The following GRIP1 variants were observed in gnomAD, a reference collection of about 807,000 sequenced individuals.
GRIP1 encodes glutamate receptor-interacting protein 1.
A neutral mutation model predicts 129.9 loss-of-function variants in GRIP1; 45 were observed. The observed-to-expected ratio is 0.35, with a 90% CI of 0.27 to 0.44. GRIP1 has a LOEUF of 0.44. GRIP1 is among the 20% of genes least tolerant of loss of function. The pLI, the probability that GRIP1 is intolerant of heterozygous loss-of-function variation, is 1.00. For missense variants in GRIP1, 1,196 were observed against 1,396.8 expected (o/e 0.86, Z 2.29); for synonymous variants, 530 against 520.8 (o/e 1.02, Z -0.24).
chr12:66,681,974 G>T (rs2034601465), upstream of GRIP1, among the ~76,000 whole-genome samples: 1 of 152,140 alleles, frequency 6.6e-6, no homozygotes, highest in Non-Finnish European at 1.5e-5. Flanking sequence ...CTCTGTTATA[G>T]GTTTTTGATG....
intron 13 of GRIP1, among the ~76,000 whole-genome samples, chr12:66,439,503 T>C (rs774108545): frequency 1.3e-4 from 19 of 151,334 alleles, no homozygotes; most frequent in Non-Finnish European, 2.6e-4. Flanking sequence ...CCCACTCAGA[T>C]TCTTTCAAAC....
At chr12:66,822,299 T>G (rs1346614543) in intron 1 of GRIP1, among the ~76,000 whole-genome samples, 1 of 152,218 alleles carries the variant, frequency 6.6e-6, no homozygotes, top group Non-Finnish European at 1.5e-5. Flanking sequence ...AAACTCAGCA[T>G]GCCATTCCTT....
chr12:67,027,891 T>C (rs1049016712), intron 1 of GRIP1, among the ~76,000 whole-genome samples: 1 of 152,146 alleles, frequency 6.6e-6, no homozygotes, highest in Middle Eastern at 3.2e-3. Context: ...AGGAAACACA[T>C]GACCAGATAT....
intron 13 of GRIP1, among the ~76,000 whole-genome samples, chr12:66,436,707 G>T (rs1045503169): frequency 2.0e-5 from 3 of 152,148 alleles, no homozygotes; most frequent in Non-Finnish European, 4.4e-5. Context: ...TTGGGGCCAG[G>T]CGCAGTGGCT....
chr12:66,765,143 G>GAA (rs10690469), intron 1 of GRIP1, among the ~76,000 whole-genome samples: 1 of 40,588 alleles, frequency 2.5e-5, no homozygotes, highest in Non-Finnish European at 7.2e-5. Context: ...AATCACATTT[G>GAA]GTCTTCCTCA....
chr12:66,641,070 T>A (rs1032370588), intron 1 of GRIP1, among the ~76,000 whole-genome samples: 17 of 152,240 alleles, frequency 1.1e-4, no homozygotes, highest in Admixed American at 5.2e-4. Context: ...AGTTTAGTCA[T>A]ATTTTTCCTC....
intron 1 of GRIP1, among the ~76,000 whole-genome samples, chr12:66,701,550 G>A (rs557944753): frequency 6.6e-6 from 1 of 152,238 alleles, no homozygotes; most frequent in East Asian, 1.9e-4. Flanking sequence ...ATAACTGCAA[G>A]CTCTTTAGGC....
chr12:67,011,548 C>T (rs1006975531), intron 1 of GRIP1, among the ~76,000 whole-genome samples: 3 of 152,084 alleles, frequency 2.0e-5, no homozygotes, highest in African/African-American at 7.2e-5. Context: ...ATGTTCTTTT[C>T]CTTCTGCAGA....
chr12:66,636,789 T>G (rs1401516499), intron 1 of GRIP1, among the ~76,000 whole-genome samples: 1 of 150,942 alleles, frequency 6.6e-6, no homozygotes, highest in Non-Finnish European at 1.5e-5. Flanking sequence ...TGTGAGGACA[T>G]GAAGAGAAGG....
chr12:66,557,744 A>G (rs11614253), intron 2 of GRIP1, among the ~76,000 whole-genome samples: 31,449 of 152,112 alleles, frequency 0.21, 3,851 homozygotes, highest in Admixed American at 0.26. Context: ...AATTAAGAAG[A>G]AAATTTAAAA....
chr12:66,808,662 C>T (rs188934510), upstream of GRIP1, among the ~76,000 whole-genome samples: 157 of 152,080 alleles, frequency 1.0e-3, no homozygotes, highest in Admixed American at 5.5e-3. Context: ...ATAAATCAAA[C>T]GTTTGTTTTT....
chr12:66,541,966 C>T lies in GRIP1; in HGVS notation c.137-16G>A. 6.2e-7 allele frequency: 1 copy of T among 1,612,786 alleles called. No individual in the cohort carries two copies. Among genetic ancestry groups the T allele is most frequent in the Non-Finnish European group, 8.5e-7 (1 of 1,178,816 alleles). On this transcript the variant is annotated splice_polypyrimidine_tract_variant and intron_variant, in intron 2 of 24. Coordinates refer to ENST00000359742, the MANE Select transcript of GRIP1 (RefSeq NM_001366722.1). Reference sequence around the variant, plus strand: ...TTGAATTCCTCTGTTAAAAGAAAAGCATTTGCCTTATTAAAATGAGAGTAG... The same window carrying T: ...TTGAATTCCTCTGTTAAAAGAAAAGTATTTGCCTTATTAAAATGAGAGTAG...
At chr12:66,646,339 G>A (rs1203164951) in intron 1 of GRIP1, among the ~76,000 whole-genome samples, 1 of 152,182 alleles carries the variant, frequency 6.6e-6, no homozygotes. Context: ...ATATTTGGGG[G>A]AAGGGCGAGA....
At chr12:66,429,654 C>A (rs1455646165) in intron 14 of GRIP1, among the ~76,000 whole-genome samples, 1 of 152,038 alleles carries the variant, frequency 6.6e-6, no homozygotes, top group Admixed American at 6.5e-5. Flanking sequence ...CCTAATAGTG[C>A]CGCTGCACTC....
At chr12:66,786,460 C>A (rs185195928) in intron 1 of GRIP1, among the ~76,000 whole-genome samples, 124 of 152,254 alleles carry the variant, frequency 8.1e-4, no homozygotes, top group Admixed American at 7.0e-3. Flanking sequence ...ACCTTCATGG[C>A]CATTCAACCT....
chr12:66,657,407 A>G (rs1207918432), intron 1 of GRIP1, among the ~76,000 whole-genome samples: 1 of 152,180 alleles, frequency 6.6e-6, no homozygotes, highest in East Asian at 1.9e-4. Flanking sequence ...GACAGAATAT[A>G]GAGTGTCAAA....
chr12:66,762,884 C>G (rs910957316), intron 1 of GRIP1, among the ~76,000 whole-genome samples: 8 of 152,254 alleles, frequency 5.3e-5, no homozygotes, highest in East Asian at 1.9e-4. Context: ...ATAAACAATA[C>G]TGGTTGATTT....
intron 13 of GRIP1, among the ~76,000 whole-genome samples, chr12:66,433,531 T>C (rs2058212382): frequency 6.6e-6 from 1 of 152,340 alleles, no homozygotes; most frequent in African/African-American, 2.4e-5. Context: ...GTACACTGGC[T>C]GAATCTCAAC....
chr12:66,498,839 GA>G (rs2138749221), intron 7 of GRIP1, among the ~76,000 whole-genome samples: 1 of 152,288 alleles, frequency 6.6e-6, no homozygotes, highest in South Asian at 2.1e-4. Flanking sequence ...ATTGATAAGT[GA>G]TAAGAGGCCT....
Sources: gnomAD v4.1 joint callset for allele counts (sites outside exome capture counted in the v4.1 genomes callset) on GRCh38, gnomAD v4.1.1 for gene constraint, MANE v1.5 for transcripts, NCBI Gene and HGNC (gene_info 2026-07-23, HGNC 2026-07-21) for gene names.